ETNK1: variants seen among roughly 807,000 people sequenced by gnomAD.
ETNK1 encodes the protein putative protein product of Nbla10396.
ETNK1 carries 8 observed loss-of-function variants against 45.1 expected under a neutral mutation model. The ratio of observed to expected loss-of-function variants is 0.18; its 90% CI spans 0.10 to 0.32. The LOEUF is 0.32. Ranked by LOEUF, ETNK1 falls within the 10% of genes least tolerant of loss-of-function variation. The probability of loss-of-function intolerance (pLI) is 1.00; values close to 1 mark genes in which losing one functional copy is unlikely to be tolerated. For missense variants in ETNK1, 302 were observed against 430.6 expected, an observed-to-expected ratio of 0.70 and a Z score of 2.64; for synonymous variants, 152 against 151.9, an observed-to-expected ratio of 1.00 and a Z score of -0.01.
chr12:22,655,333 T>G (rs1319060499), intron 2 of ETNK1, among the ~76,000 whole-genome samples: 3 of 137,692 alleles, frequency 2.2e-5, no homozygotes, highest in East Asian at 2.9e-4. Flanking sequence ...TGTTTGTTTT[T>G]TTTTTTTTTT....
intron 6 of ETNK1, among the ~76,000 whole-genome samples, chr12:22,675,332 T>G (rs1334651261): frequency 1.3e-5 from 2 of 152,028 alleles, no homozygotes; most frequent in Admixed American, 1.3e-4. Flanking sequence ...GTGCTGGGAA[T>G]TTATAGGTAT....
At chr12:22,639,018 C>T (rs890197672) in intron 1 of ETNK1, 1 of 151,738 alleles carries the variant, frequency 6.6e-6, no homozygotes, top group African/African-American at 2.4e-5. Flanking sequence ...AAAATTTTAC[C>T]TCAAAAAGTA....
intron 6 of ETNK1, among the ~76,000 whole-genome samples, chr12:22,677,950 T>C (rs1954177055): frequency 6.6e-6 from 1 of 152,216 alleles, no homozygotes; most frequent in Non-Finnish European, 1.5e-5. Flanking sequence ...TTTCGATTCC[T>C]GTTCTTATTT....
chr12:22,646,802 G>C (rs976300341), intron 2 of ETNK1, among the ~76,000 whole-genome samples: 1 of 151,778 alleles, frequency 6.6e-6, no homozygotes, highest in Admixed American at 6.6e-5. Flanking sequence ...GGACTAGTCT[G>C]GGGGAGGAAG....
chr12:22,672,449 T>C (rs1954118867), intron 5 of ETNK1, among the ~76,000 whole-genome samples: 2 of 152,182 alleles, frequency 1.3e-5, no homozygotes, highest in African/African-American at 4.8e-5. Context: ...AATTTGATGT[T>C]TCCAGTTATT....
At chr12:22,673,799 C>T in intron 6 of ETNK1, 139 bp downstream of exon 6, 1 of 845,018 alleles carries the variant, frequency 1.2e-6, no homozygotes, top group African/African-American at 1.7e-5. Flanking sequence ...TGACCATTTA[C>T]AGTATGCATT....
chr12:22,645,649 A>G (rs1271659551), intron 2 of ETNK1, among the ~76,000 whole-genome samples: 2 of 151,776 alleles, frequency 1.3e-5, no homozygotes, highest in Non-Finnish European at 3.0e-5. Flanking sequence ...ACATGTATAC[A>G]CTGTATAATG....
At chr12:22,675,887 A>G (rs1180761655) in intron 6 of ETNK1, among the ~76,000 whole-genome samples, 1 of 152,182 alleles carries the variant, frequency 6.6e-6, no homozygotes, top group African/African-American at 2.4e-5. Flanking sequence ...TGTCCTCTGA[A>G]CTTACATATA....
intron 4 of ETNK1, among the ~76,000 whole-genome samples, chr12:22,665,963 A>G (rs544612928): frequency 6.6e-6 from 1 of 152,296 alleles, no homozygotes; most frequent in South Asian, 2.1e-4. Flanking sequence ...GTGTGTATAT[A>G]TATATATGAG....
intron 4 of ETNK1, among the ~76,000 whole-genome samples, chr12:22,663,316 C>T (rs1954025458): frequency 6.6e-6 from 1 of 152,138 alleles, no homozygotes; most frequent in Admixed American, 6.5e-5. Context: ...TGAGGGACTT[C>T]ATCTTACATT....
intron 6 of ETNK1, among the ~76,000 whole-genome samples, 188 bp downstream of exon 6, chr12:22,673,848 C>A (rs917894810): frequency 6.6e-6 from 1 of 152,160 alleles, no homozygotes; most frequent in African/African-American, 2.4e-5. Flanking sequence ...AATTTTGTTT[C>A]ATTTCCTGCT....
At chr12:22,636,635 G>C (rs184528357) in intron 1 of ETNK1, among the ~76,000 whole-genome samples, 11 of 151,984 alleles carry the variant, frequency 7.2e-5, no homozygotes, top group Admixed American at 5.9e-4. Context: ...CATGACTTCT[G>C]CATCCATGGA....
intron 4 of ETNK1, among the ~76,000 whole-genome samples, chr12:22,668,404 G>A (rs1228212040): frequency 6.6e-6 from 1 of 152,136 alleles, no homozygotes; most frequent in African/African-American, 2.4e-5. Context: ...GATTTTTCTG[G>A]CACCCTAACT....
chr12:22,625,656 G>C, intron 1 of ETNK1, 70 bp downstream of exon 1: 1 of 1,513,398 alleles, frequency 6.6e-7, no homozygotes. Context: ...CACCACAATC[G>C]CCTCTGTCCC....
At chr12:22,665,800 T>C (rs1194348088) in intron 4 of ETNK1, among the ~76,000 whole-genome samples, 1 of 152,110 alleles carries the variant, frequency 6.6e-6, no homozygotes, top group Admixed American at 6.6e-5. Flanking sequence ...ATGGTTACTA[T>C]AGGCTAGATA....
At chr12:22,639,841 T>C (rs1953712378) in intron 1 of ETNK1, among the ~76,000 whole-genome samples, 1 of 152,230 alleles carries the variant, frequency 6.6e-6, no homozygotes, top group African/African-American at 2.4e-5. Flanking sequence ...CAATCTTTCA[T>C]CTAATGGTTT....
At chr12:22,677,757 T>C (rs968659948) in intron 6 of ETNK1, among the ~76,000 whole-genome samples, 3 of 152,200 alleles carry the variant, frequency 2.0e-5, no homozygotes, top group African/African-American at 7.2e-5. Flanking sequence ...GGGCATTTAA[T>C]TCTCTTCGCA....
At chr12:22,642,610 T>G (rs900075070) in intron 1 of ETNK1, among the ~76,000 whole-genome samples, 1 of 152,046 alleles carries the variant, frequency 6.6e-6, no homozygotes, top group African/African-American at 2.4e-5. Flanking sequence ...CTTTCACATC[T>G]TTTTTCATAT....
chr12:22,658,222 G>C (rs1002826793), intron 2 of ETNK1, among the ~76,000 whole-genome samples: 1 of 152,106 alleles, frequency 6.6e-6, no homozygotes, highest in Non-Finnish European at 1.5e-5. Flanking sequence ...GGATCCAATG[G>C]AGAGAACAGA....
Sources: allele counts gnomAD v4.1 joint callset (sites outside exome capture counted in the v4.1 genomes callset), GRCh38; gene constraint gnomAD v4.1.1; transcripts MANE v1.5; gene names NCBI Gene and HGNC (gene_info 2026-07-23, HGNC 2026-07-21).